Variants in QTMAN observed in about 807,000 individuals in gnomAD.
The protein encoded by QTMAN is queuosine-tRNA mannosyltransferase.
the QTMAN span, among the ~76,000 whole-genome samples, chr2:144,242,821 G>C: frequency 2.0e-5 from 3 of 151,786 alleles, no homozygotes; most frequent in African/African-American, 7.3e-5. Flanking sequence ...AATTAGCTGG[G>C]CTTGGTGGCA....
chr2:144,292,883 T>A, the QTMAN span, among the ~76,000 whole-genome samples: 3 of 152,126 alleles, frequency 2.0e-5, no homozygotes, highest in African/African-American at 7.2e-5. Context: ...TAAAAGATAA[T>A]ACTCACAAAT....
chr2:143,939,940 CT>C, the QTMAN span: 1 of 152,168 alleles, frequency 6.6e-6, no homozygotes, highest in Admixed American at 6.5e-5. Flanking sequence ...GTCTCTTTCT[CT>C]TTCTTTCTGC....
chr2:144,195,268 A>G, the QTMAN span, among the ~76,000 whole-genome samples: 1 of 152,140 alleles, frequency 6.6e-6, no homozygotes, highest in African/African-American at 2.4e-5. Context: ...AAGATGTCAC[A>G]GCAAAAAAGA....
chr2:144,199,250 T>C, the QTMAN span, among the ~76,000 whole-genome samples: 12 of 152,162 alleles, frequency 7.9e-5, no homozygotes, highest in Non-Finnish European at 1.5e-4. Flanking sequence ...GGTTTCACCA[T>C]GTTGGCCAGG....
the QTMAN span, among the ~76,000 whole-genome samples, chr2:144,251,473 G>A: frequency 3.3e-5 from 5 of 151,982 alleles, no homozygotes; most frequent in Non-Finnish European, 7.4e-5. Context: ...ACATCTACAT[G>A]TAGAAAAAAA....
the QTMAN span, among the ~76,000 whole-genome samples, chr2:144,206,802 T>G: frequency 6.6e-6 from 1 of 152,190 alleles, no homozygotes; most frequent in Non-Finnish European, 1.5e-5. Context: ...ACACATATAT[T>G]TGTGATACAA....
the QTMAN span, among the ~76,000 whole-genome samples, chr2:144,144,127 CTTTT>C: frequency 6.6e-6 from 1 of 151,880 alleles, no homozygotes; most frequent in Non-Finnish European, 1.5e-5. Flanking sequence ...ATGTACAAAA[CTTTT>C]ATAGTCTCAT....
chr2:144,208,551 A>C, the QTMAN span: 17 of 1,482,318 alleles, frequency 1.1e-5, no homozygotes, highest in Admixed American at 1.8e-5. Flanking sequence ...CAACATCCTC[A>C]TAACAGGTAC....
At chr2:144,153,019 C>G in the QTMAN span, among the ~76,000 whole-genome samples, 1 of 152,002 alleles carries the variant, frequency 6.6e-6, no homozygotes, top group Admixed American at 6.6e-5. Context: ...TCAGGGGTGG[C>G]AGAAGAGGCC....
chr2:144,299,623 T>A, the QTMAN span, among the ~76,000 whole-genome samples: 3 of 152,188 alleles, frequency 2.0e-5, no homozygotes, highest in African/African-American at 7.2e-5. Context: ...TTTTTAAAAA[T>A]TTAAAAACAA....
the QTMAN span, among the ~76,000 whole-genome samples, chr2:144,089,359 G>A: frequency 1.3e-5 from 2 of 151,962 alleles, no homozygotes; most frequent in African/African-American, 4.8e-5. Flanking sequence ...ATGTAAACTA[G>A]TACAGCCACT....
At chr2:144,110,405 G>A in the QTMAN span, among the ~76,000 whole-genome samples, 1 of 152,040 alleles carries the variant, frequency 6.6e-6, no homozygotes, top group Non-Finnish European at 1.5e-5. Context: ...GTGAGGGGAG[G>A]GGGGAAGGAT....
At chr2:144,187,633 A>G in the QTMAN span, among the ~76,000 whole-genome samples, 14 of 152,128 alleles carry the variant, frequency 9.2e-5, no homozygotes, top group African/African-American at 2.9e-4. Context: ...ATTAATGACT[A>G]TTTTACAGCT....
At chr2:144,040,488 G>A in the QTMAN span, among the ~76,000 whole-genome samples, 11 of 151,960 alleles carry the variant, frequency 7.2e-5, no homozygotes, top group Admixed American at 2.0e-4. Context: ...TGTTTTTTAA[G>A]GACATTCTTC....
the QTMAN span, chr2:144,178,857 C>T: frequency 1.3e-5 from 5 of 371,712 alleles, no homozygotes; most frequent in East Asian, 3.0e-4. Context: ...TTTCAGGAAG[C>T]TGGATCCAGG....
At chr2:144,179,055 T>C in the QTMAN span, 2 of 431,330 alleles carry the variant, frequency 4.6e-6, no homozygotes, top group East Asian at 1.5e-4. Flanking sequence ...GTATGTGAGT[T>C]AAAAAATAGG....
the QTMAN span, among the ~76,000 whole-genome samples, chr2:144,025,082 C>T: frequency 3.9e-5 from 6 of 152,246 alleles, no homozygotes; most frequent in East Asian, 1.9e-4. Flanking sequence ...TACCTGCAAA[C>T]GCTAAACAGA....
the QTMAN span, among the ~76,000 whole-genome samples, chr2:144,270,322 T>C: frequency 8.5e-5 from 13 of 152,182 alleles, no homozygotes; most frequent in Non-Finnish European, 1.5e-4. Flanking sequence ...CCCAATGGAT[T>C]TGAAATCATC....
chr2:144,236,752 TAA>T, the QTMAN span, among the ~76,000 whole-genome samples: 105 of 152,066 alleles, frequency 6.9e-4, no homozygotes, highest in Non-Finnish European at 1.5e-4. Flanking sequence ...AGAATTACTT[TAA>T]ATAGTAATCC....
Sources: gnomAD v4.1 joint callset for allele counts (sites outside exome capture counted in the v4.1 genomes callset) on GRCh38, gnomAD v4.1.1 for gene constraint, MANE v1.5 for transcripts, NCBI Gene and HGNC (gene_info 2026-07-23, HGNC 2026-07-21) for gene names.